Variants in SIL1 observed in about 807,000 individuals in gnomAD.
SIL1 encodes the protein nucleotide exchange factor SIL1.
Under a neutral mutation model 49.1 loss-of-function variants are expected in SIL1, and 40 were observed. That is an observed-to-expected ratio of 0.81 (90% CI 0.63 to 1.06). SIL1 has a LOEUF of 1.06. Among genes scored for constraint, SIL1 ranks in the 50% least tolerant of loss-of-function variants. SIL1 has a pLI of 0.00. For missense variants in SIL1, 500 were observed against 572.6 expected, an observed-to-expected ratio of 0.87 and a Z score of 1.29; for synonymous variants, 253 against 250.8, an observed-to-expected ratio of 1.01 and a Z score of -0.08.
At chr5:138,983,863 G>A (rs1380952765) in intron 7 of SIL1, among the ~76,000 whole-genome samples, 2 of 152,144 alleles carry the variant, frequency 1.3e-5, no homozygotes, top group Non-Finnish European at 2.9e-5. Flanking sequence ...TTCCTCTGCT[G>A]GAAACAGCTC....
chr5:139,111,411 A>G (rs909519442), intron 3 of SIL1, among the ~76,000 whole-genome samples: 3 of 152,164 alleles, frequency 2.0e-5, no homozygotes, highest in South Asian at 2.1e-4. Context: ...AAATCTGTCA[A>G]CACTGATTCC....
intron 3 of SIL1, among the ~76,000 whole-genome samples, chr5:139,101,990 C>A (rs1055163771): frequency 3.3e-5 from 5 of 152,172 alleles, no homozygotes; most frequent in African/African-American, 4.8e-5. Context: ...AGAGTTTGCC[C>A]TCGCTGAAAT....
chr5:139,165,671 T>A (rs575140449), intron 1 of SIL1, among the ~76,000 whole-genome samples: 5 of 151,670 alleles, frequency 3.3e-5, no homozygotes, highest in Admixed American at 1.3e-4. Context: ...ATTATTATTA[T>A]TTTTTGAGAC....
At chr5:138,985,331 C>T (rs1767628343) in intron 7 of SIL1, among the ~76,000 whole-genome samples, 1 of 152,140 alleles carries the variant, frequency 6.6e-6, no homozygotes, top group Non-Finnish European at 1.5e-5. Context: ...ATTAGCGATT[C>T]CACAGGAAAA....
chr5:139,001,574 G>T (rs1162764004), intron 7 of SIL1, among the ~76,000 whole-genome samples: 1 of 152,142 alleles, frequency 6.6e-6, no homozygotes, highest in Non-Finnish European at 1.5e-5. Flanking sequence ...TGGTAGGGGG[G>T]ATACAATGAA....
chr5:139,143,401 G>A (rs542132460), intron 1 of SIL1, among the ~76,000 whole-genome samples: 23 of 138,460 alleles, frequency 1.7e-4, no homozygotes, highest in South Asian at 1.6e-3. Flanking sequence ...ATGGAGTTTC[G>A]CTCTTGTTGC....
At position 139,042,721 on chromosome 5, in the gene SIL1, T is replaced by C. The variant is rs1177425456; in HGVS notation, c.354-2A>G. ...TAGGTGTTGGTGTTGATATCCAGCC[T>C]GTCCAAAGAAAACTGAGAGTAAAGA... On this transcript the variant is annotated splice_acceptor_variant, in intron 4 of 9. Transcript: ENST00000394817. LOFTEE classifies it high-confidence loss of function. 1.2e-6 allele frequency: 2 copies of C among 1,613,894 alleles called. No homozygotes were observed. The highest frequency in any genetic ancestry group is 1.7e-6 in the Non-Finnish European group (2 of 1,179,912).
rs538818707 is a variant in SIL1 at position 139,169,885 on chromosome 5, CCTCT to C, written c.-11+28380_-11+28383del. On this transcript the variant is annotated intron_variant, in intron 1 of 9. Transcript: ENST00000394817. ...TCCCTCTTTCCACGGTCTCCCTCTC[CCTCT>C]CTCTCCACAGTCTCCCTCTGATGCC... is the stretch of plus-strand genomic sequence containing the variant. Among the ~76,000 whole-genome samples, 551 of 151,216 alleles carry C rather than the reference CCTCT, an allele frequency of 3.6e-3. 4 individuals carry two copies. Among genetic ancestry groups the C allele is most frequent in the African/African-American group, 0.011 (474 of 41,454 alleles).
chr5:138,981,662 T>G (rs1189656653), intron 7 of SIL1, among the ~76,000 whole-genome samples: 1 of 152,218 alleles, frequency 6.6e-6, no homozygotes, highest in East Asian at 1.9e-4. Context: ...GTATGATTCA[T>G]GGACAGAGAA....
intron 7 of SIL1, among the ~76,000 whole-genome samples, chr5:139,005,074 A>G (rs577729667): frequency 2.6e-5 from 4 of 152,324 alleles, no homozygotes; most frequent in African/African-American, 9.6e-5. Context: ...TAGCATGGTG[A>G]CTGTAGTTAA....
intron 1 of SIL1, among the ~76,000 whole-genome samples, chr5:139,140,064 G>A (rs1447515941): frequency 6.6e-6 from 1 of 152,150 alleles, no homozygotes; most frequent in East Asian, 1.9e-4. Context: ...TGAGGCAGAA[G>A]TTCAAGACTA....
chr5:139,128,816 G>A (rs1447063336), intron 1 of SIL1, among the ~76,000 whole-genome samples: 1 of 152,170 alleles, frequency 6.6e-6, no homozygotes, highest in African/African-American at 2.4e-5. Flanking sequence ...AAACTCATAT[G>A]ACATTTCGGG....
At chr5:139,011,832 C>A (rs971417333) in intron 7 of SIL1, among the ~76,000 whole-genome samples, 9 of 152,102 alleles carry the variant, frequency 5.9e-5, no homozygotes, top group Admixed American at 3.9e-4. Context: ...CCCAGAAATT[C>A]TGCCAATTTC....
chr5:139,033,889 T>C (rs1378814730), intron 5 of SIL1, among the ~76,000 whole-genome samples: 2 of 152,222 alleles, frequency 1.3e-5, no homozygotes, highest in Non-Finnish European at 1.5e-5. Flanking sequence ...CGCTGTCTAG[T>C]AGTTCTAGCA....
chr5:139,107,528 T>G (rs1770744612), intron 3 of SIL1, among the ~76,000 whole-genome samples: 1 of 152,230 alleles, frequency 6.6e-6, no homozygotes, highest in Admixed American at 6.5e-5. Context: ...AACTATAGAC[T>G]CTACTTGGAT....
intron 7 of SIL1, among the ~76,000 whole-genome samples, chr5:138,999,822 C>T (rs1034798609): frequency 5.3e-5 from 8 of 152,088 alleles, no homozygotes; most frequent in Non-Finnish European, 1.0e-4. Context: ...TGCTTGAGCC[C>T]AGCAGGTCAA....
intron 2 of SIL1, 52 bp downstream of exon 2, chr5:139,127,687 C>T (rs956043980): frequency 1.4e-6 from 2 of 1,418,780 alleles, no homozygotes; most frequent in South Asian, 1.2e-5. Context: ...GACAGGGAGG[C>T]CTTCTCAAGA....
In SIL1 at chr5:139,147,966, C is replaced by CT. The variant is rs1751225467; in HGVS notation, c.-10-20114dup. On this transcript the variant is annotated intron_variant, in intron 1 of 9. Coordinates refer to ENST00000394817, the MANE Select transcript of SIL1 (RefSeq NM_022464.5). ...TCCCTGGGGAAGTGCCAGGAGAGCC[C>CT]TGGTTTTCTTCTAGAGTCTCCTAAT... is the stretch of plus-strand genomic sequence containing the variant. 2.0e-5 allele frequency among the ~76,000 whole-genome samples: 3 copies of CT among 152,084 alleles called. No individual in the cohort carries two copies. In the South Asian group the frequency reaches 6.2e-4, roughly 32 times the overall value.
At chr5:139,032,200 T>C (rs1462040226) in intron 5 of SIL1, among the ~76,000 whole-genome samples, 2 of 152,242 alleles carry the variant, frequency 1.3e-5, no homozygotes, top group East Asian at 1.9e-4. Context: ...AAGTATAATA[T>C]TCCATGCAGA....
Sources: gnomAD v4.1 joint callset for allele counts (sites outside exome capture counted in the v4.1 genomes callset) on GRCh38, gnomAD v4.1.1 for gene constraint, MANE v1.5 for transcripts, NCBI Gene and HGNC (gene_info 2026-07-23, HGNC 2026-07-21) for gene names.